Variants in CGGBP1 observed in about 807,000 individuals in gnomAD.
CGGBP1 encodes the protein CGG triplet repeat binding protein 1, also known as CGG triplet repeat-binding protein 1.
In CGGBP1, 4 loss-of-function variants were observed where a neutral mutation model predicts 11.4. The ratio of observed to expected loss-of-function variants is 0.35; its 90% CI spans 0.17 to 0.80. The LOEUF (loss-of-function observed/expected upper bound fraction) is 0.80, where lower values mean the gene tolerates loss of function less well. CGGBP1 is among the 30% of genes least tolerant of loss of function. CGGBP1 has a pLI of 0.52. For missense variants in CGGBP1, 135 were observed against 202.1 expected, an observed-to-expected ratio of 0.67 and a Z score of 2.01; for synonymous variants, 76 against 74.1, an observed-to-expected ratio of 1.03 and a Z score of -0.13.
chr3:88,140,448 T>C (rs1487607145), intron 2 of CGGBP1: 1 of 1,613,408 alleles, frequency 6.2e-7, no homozygotes, highest in Non-Finnish European at 8.5e-7. Flanking sequence ...ACCAAAGACA[T>C]GTATAGAAAG....
intron 2 of CGGBP1, among the ~76,000 whole-genome samples, chr3:88,112,482 A>C (rs1482716823): frequency 6.6e-6 from 1 of 151,092 alleles, no homozygotes; most frequent in Non-Finnish European, 1.5e-5. Context: ...AGAGCACATA[A>C]AGTATTTAGT....
At chr3:88,111,995 A>G (rs1275476147) in intron 2 of CGGBP1, among the ~76,000 whole-genome samples, 1 of 151,894 alleles carries the variant, frequency 6.6e-6, no homozygotes, top group African/African-American at 2.4e-5. Context: ...TAGGTTATTG[A>G]CTTTTTTAAC....
intron 2 of CGGBP1, among the ~76,000 whole-genome samples, chr3:88,064,467 T>A (rs1291014410): frequency 6.6e-6 from 1 of 152,190 alleles, no homozygotes; most frequent in African/African-American, 2.4e-5. Flanking sequence ...ATTGTTTTGT[T>A]AGGGGAGGGA....
At chr3:88,061,852 C>G (rs1706903492), upstream of CGGBP1, among the ~76,000 whole-genome samples, 1 of 152,014 alleles carries the variant, frequency 6.6e-6, no homozygotes, top group African/African-American at 2.4e-5. Context: ...GGATATTGTG[C>G]AGTTGGGGTA....
At chr3:88,083,899 G>T (rs1452159291) in intron 2 of CGGBP1, among the ~76,000 whole-genome samples, 12 of 150,278 alleles carry the variant, frequency 8.0e-5, no homozygotes, top group Middle Eastern at 3.5e-3. Flanking sequence ...CACAGCATAG[G>T]AGAAAAATTT....
At chr3:88,103,841 A>C (rs1704577900) in intron 2 of CGGBP1, among the ~76,000 whole-genome samples, 1 of 137,420 alleles carries the variant, frequency 7.3e-6, no homozygotes, top group South Asian at 2.2e-4. Context: ...ATCTTGGCTC[A>C]CTGCAACCTC....
chr3:88,142,327 T>C (rs1423506820), intron 1 of CGGBP1: 1 of 151,698 alleles, frequency 6.6e-6, no homozygotes, highest in African/African-American at 2.4e-5. Context: ...GCTAATAAGC[T>C]CTTGATAGAA....
intron 2 of CGGBP1, among the ~76,000 whole-genome samples, chr3:88,136,608 T>C (rs1451500571): frequency 2.0e-5 from 3 of 152,170 alleles, no homozygotes; most frequent in Non-Finnish European, 4.4e-5. Context: ...CATTTTATTA[T>C]TTGTTTTTCA....
chr3:88,059,202 T>A, upstream of CGGBP1: 5 of 1,451,820 alleles, frequency 3.4e-6, no homozygotes, highest in South Asian at 1.4e-5. Flanking sequence ...GAGAGGCCCC[T>A]GTCCGGCTAG....
At chr3:88,118,322 C>T (rs1414493781) in intron 2 of CGGBP1, among the ~76,000 whole-genome samples, 3 of 151,948 alleles carry the variant, frequency 2.0e-5, no homozygotes, top group Non-Finnish European at 4.4e-5. Context: ...GATATCATGT[C>T]CCAAGCAGGA....
chr3:88,140,378 T>C (rs1405641585), intron 2 of CGGBP1: 3 of 1,612,920 alleles, frequency 1.9e-6, no homozygotes, highest in Non-Finnish European at 2.5e-6. Context: ...CATCTAGTAA[T>C]GAGAAACAAA....
At chr3:88,112,301 C>G (rs1389593095) in intron 2 of CGGBP1, among the ~76,000 whole-genome samples, 1 of 151,238 alleles carries the variant, frequency 6.6e-6, no homozygotes, top group Non-Finnish European at 1.5e-5. Context: ...AAAAAAACAA[C>G]TTTAGGTAGT....
intron 2 of CGGBP1, among the ~76,000 whole-genome samples, chr3:88,123,234 G>C (rs1576325247): frequency 6.6e-6 from 1 of 152,072 alleles, no homozygotes; most frequent in East Asian, 1.9e-4. Context: ...TTTTTAAATA[G>C]ACCAAAATGA....
At chr3:88,139,589 G>A (rs1308765133) in intron 2 of CGGBP1, 5 of 1,613,594 alleles carry the variant, frequency 3.1e-6, no homozygotes, top group East Asian at 2.2e-5. Context: ...ATTTGGAAGT[G>A]GAGACACTTA....
intron 2 of CGGBP1, chr3:88,086,507 C>T: frequency 1.0e-6 from 1 of 996,030 alleles, no homozygotes; most frequent in Non-Finnish European, 1.4e-6. Flanking sequence ...AAAGTATTCC[C>T]TCAAAAAGAA....
At chr3:88,125,251 T>G (rs1224854807) in intron 2 of CGGBP1, among the ~76,000 whole-genome samples, 2 of 150,212 alleles carry the variant, frequency 1.3e-5, no homozygotes, top group Non-Finnish European at 3.0e-5. Flanking sequence ...AAAACCAATA[T>G]CTAATAAAGT....
intron 2 of CGGBP1, among the ~76,000 whole-genome samples, chr3:88,079,676 G>T (rs1017859213): frequency 3.9e-4 from 59 of 151,972 alleles, no homozygotes; most frequent in Non-Finnish European, 7.8e-4. Context: ...TAATCTTCAA[G>T]ATTCCTTTTA....
chr3:88,075,135 G>A (rs1288607920), intron 2 of CGGBP1, among the ~76,000 whole-genome samples: 1 of 152,120 alleles, frequency 6.6e-6, no homozygotes, highest in Non-Finnish European at 1.5e-5. Flanking sequence ...CATATTAAAA[G>A]CTTTTAATTT....
chr3:88,119,418 G>C (rs1390650769), intron 2 of CGGBP1, among the ~76,000 whole-genome samples: 6 of 138,426 alleles, frequency 4.3e-5, no homozygotes, highest in African/African-American at 1.6e-4. Flanking sequence ...GGGAGGGATA[G>C]CATTGGGAGA....
Sources: allele counts gnomAD v4.1 joint callset (sites outside exome capture counted in the v4.1 genomes callset), GRCh38; gene constraint gnomAD v4.1.1; transcripts MANE v1.5; gene names NCBI Gene and HGNC (gene_info 2026-07-23, HGNC 2026-07-21).